Variants in INTS1 observed in about 807,000 individuals in gnomAD.
INTS1 encodes the protein integrator complex subunit 1.
In INTS1, 137 loss-of-function variants were observed where a neutral mutation model predicts 241.6. That is an observed-to-expected ratio of 0.57 (90% CI 0.49 to 0.65). The LOEUF (loss-of-function observed/expected upper bound fraction) is 0.65. Ranked by LOEUF, INTS1 falls within the 30% of genes least tolerant of loss-of-function variation. INTS1 has a pLI of 0.00. For synonymous variants in INTS1, 1,692 were observed against 1,337.8 expected (o/e 1.26, Z -5.78); for missense variants, 3,073 against 3,032.2 (o/e 1.01, Z -0.32).
chr7:1,503,298 G>A (rs745728089), intron 2 of INTS1, 107 bp from the exon 3 acceptor site: 133 of 1,237,704 alleles, frequency 1.1e-4, no homozygotes, highest in Admixed American at 1.8e-4. Flanking sequence ...AAGGGTCAGA[G>A]GAGGCAAGGA....
chr7:1,494,313 G>A (rs1450219912), intron 14 of INTS1: 2 of 264,598 alleles, frequency 7.6e-6, no homozygotes, highest in Non-Finnish European at 1.5e-5. Context: ...AAGGTGAACA[G>A]AGCGCCCAGG....
rs185981905 is a variant in INTS1 at position 1,470,290 on chromosome 7, G to C, written c.*287C>G. On this transcript the variant is annotated 3_prime_UTR_variant, in exon 48 of 48. Transcript: ENST00000404767. ...AGAGAGCACACAGACAGTTCAGGTC[G>C]TTTCATTCAAAACCAGCCCAGGCCA... The C allele has an allele frequency of 5.0e-6, 2 of 402,296 alleles. No homozygotes were observed. The highest frequency in any genetic ancestry group is 8.7e-5 in the East Asian group (2 of 23,046). The allele number at this position is 402,296 out of a possible 1,614,324, so 24.9% of individuals were successfully genotyped here.
chr7:1,474,459 G>C, intron 40 of INTS1, 99 bp from the exon 41 acceptor site: 1 of 1,291,234 alleles, frequency 7.7e-7, no homozygotes, highest in East Asian at 2.7e-5. Flanking sequence ...GCCAGACCCC[G>C]TGCTGCCCCC....
chr7:1,478,273 A>G (rs919343495), intron 33 of INTS1, 93 bp downstream of exon 33: 3 of 1,403,260 alleles, frequency 2.1e-6, no homozygotes, highest in South Asian at 1.3e-5. Context: ...CTGAGCAGAC[A>G]CTGTCCGTCC....
rs1315941515 is a variant in INTS1 at position 1,503,988 on chromosome 7, G to A, written c.-28C>T. 10 of 1,532,316 alleles carry A rather than the reference G, an allele frequency of 6.5e-6. No homozygotes were observed. Among genetic ancestry groups the A allele is most frequent in the Admixed American group, 4.1e-5 (2 of 48,210 alleles). The allele number at this position is 1,532,316 out of a possible 1,614,324, so 94.9% of individuals were successfully genotyped here. A position where few individuals can be genotyped will look rare whatever the true frequency, so the allele number is the denominator to read the frequency against. On this transcript the variant is annotated 5_prime_UTR_variant, in exon 2 of 48. Transcript: ENST00000404767. Reference sequence around the variant, plus strand: ...TGCCCCGTCCCTCGCGGCTCCCGGCGGCTGCGGCGTCACCTGCGGAGGAGC... The same window carrying A: ...TGCCCCGTCCCTCGCGGCTCCCGGCAGCTGCGGCGTCACCTGCGGAGGAGC...
At chr7:1,470,755 A>C in intron 47 of INTS1, 63 bp from the exon 48 acceptor site, 1 of 1,473,346 alleles carries the variant, frequency 6.8e-7, no homozygotes, top group African/African-American at 1.4e-5. Flanking sequence ...CAGTGACCAG[A>C]CCTCGGGACT....
chr7:1,498,549 G>C lies in INTS1; in HGVS notation c.1288C>G (p.Leu430Val). 6 of 1,613,674 alleles carry C rather than the reference G, an allele frequency of 3.7e-6. No homozygotes were observed. Among genetic ancestry groups the C allele is most frequent in the Non-Finnish European group, 5.1e-6 (6 of 1,179,836 alleles). The change falls in exon 10 of 48, where the codon CTG (leucine) becomes GTG (valine). Residue 430 changes from leucine (L) to valine (V), a missense_variant. Transcript: ENST00000404767. ...LNHFMLCIRE[L>V]LSAHKDNLGT... ...AGGTTGTCCTTGTGCGCGCTCAGCA[G>C]CTCCCTGGGTGAGGTGAGGGTACAG... is the stretch of plus-strand genomic sequence containing the variant.
chr7:1,500,109 G>A (rs1043460956), intron 4 of INTS1, 61 bp downstream of exon 4: 10 of 1,584,742 alleles, frequency 6.3e-6, no homozygotes, highest in African/African-American at 4.0e-5. Flanking sequence ...TAAGGGGGAG[G>A]TGAGGAGGGG....
At position 1,487,307 on chromosome 7, in the gene INTS1, C is replaced by G; in HGVS notation, c.2646+13G>C. Reference sequence around the variant, plus strand: ...AGACCACCATCTCTACCTCCTGGAGCCTCGGCACTCACCTGCCGCTGGATG... The same window carrying G: ...AGACCACCATCTCTACCTCCTGGAGGCTCGGCACTCACCTGCCGCTGGATG... On this transcript the variant is annotated intron_variant, in intron 20 of 47. Transcript: ENST00000404767. 1 of 1,579,952 alleles carries G rather than the reference C, an allele frequency of 6.3e-7. No homozygotes were observed. Among genetic ancestry groups the G allele is most frequent in the Non-Finnish European group, 8.6e-7 (1 of 1,163,366 alleles).
intron 44 of INTS1, among the ~76,000 whole-genome samples, chr7:1,471,973 A>G (rs559632917): frequency 1.3e-5 from 2 of 151,728 alleles, no homozygotes; most frequent in East Asian, 3.9e-4. Context: ...GGTACTGCCC[A>G]CCCGCTGGTC....
In INTS1 at chr7:1,493,422, G is replaced by A. The variant is rs564339440; in HGVS notation, c.2069-316C>T. ...CGGGGCAGAGCCACGGACGAGGCGC[G>A]AGCTGGATTTACAATCATTCTACCT... On this transcript the variant is annotated intron_variant, in intron 15 of 47. Coordinates refer to ENST00000404767, the MANE Select transcript of INTS1 (RefSeq NM_001080453.3). The surrounding 1 kb of genome is among the most constrained non-coding windows in gnomAD (Gnocchi z 5.3). 1.6e-3 allele frequency among the ~76,000 whole-genome samples: 247 copies of A among 152,260 alleles called. No homozygotes were observed. Among genetic ancestry groups the A allele is most frequent in the Non-Finnish European group, 3.2e-3 (218 of 68,008 alleles).
Position 1,499,958 on chromosome 7 carries a change from C to T in INTS1, c.610G>A (p.Val204Met). The change falls in exon 5 of 48, where the codon GTG becomes ATG. Residue 204 changes from valine to methionine, a missense_variant. Val to Met is a conservative substitution (Grantham distance 21). Coordinates refer to ENST00000404767, the MANE Select transcript of INTS1 (RefSeq NM_001080453.3). ...AGGAGGTTACAGGCCAGCACAGACA[C>T]CAGGCTGTTCCCCTTGGCCTTGAAG... is the stretch of plus-strand genomic sequence containing the variant. ...INFKAKGNSL[V>M]SVLACNLLMA... 6.2e-7 allele frequency: 1 copy of T among 1,613,704 alleles called. No homozygotes were observed. Among genetic ancestry groups the T allele is most frequent in the East Asian group, 2.2e-5 (1 of 44,878 alleles).
rs145194233 is a variant in INTS1, at chr7:1,471,864, C to T, written c.6185-223G>A. 47 of 594,948 alleles carry T rather than the reference C, an allele frequency of 7.9e-5. 1 individual carries two copies. The highest frequency in any genetic ancestry group is 7.5e-4 in the South Asian group (37 of 49,556). 36.9% of individuals were successfully genotyped at this position (594,948 alleles called of 1,614,324 possible). ...TCCAAGGAGAGGGGTTGACCCCTCA[C>T]GGCAGCCCCATATCCAGGGTGCTCT... is the stretch of plus-strand genomic sequence containing the variant. On this transcript the variant is annotated intron_variant, in intron 44 of 47. Transcript: ENST00000404767.
chr7:1,476,080 G>A lies in INTS1; in HGVS notation c.5379-9C>T, dbSNP rs1223064961. ...AGCGCCTGCCCAGCACGCTGGAAGA[G>A]GTGGAGCAGGGCTCACCAGGCGGAC... On this transcript the variant is annotated splice_polypyrimidine_tract_variant and intron_variant, in intron 38 of 47. Transcript: ENST00000404767. 8 of 1,538,724 alleles carry A rather than the reference G, an allele frequency of 5.2e-6. No homozygotes were observed. Among genetic ancestry groups the A allele is most frequent in the Middle Eastern group, 2.0e-4 (1 of 4,940 alleles).
chr7:1,479,358 C>T, intron 31 of INTS1, 72 bp downstream of exon 31: 1 of 1,494,892 alleles, frequency 6.7e-7, no homozygotes, highest in Non-Finnish European at 9.0e-7. Flanking sequence ...AGTCACAGGA[C>T]ACCCGGGCCG....
In INTS1 at chr7:1,498,717, G is replaced by C. The variant is rs1417760548; in HGVS notation, c.1273C>G (p.Leu425Val). 6.5e-7 allele frequency: 1 copy of C among 1,534,890 alleles called. No homozygotes were observed. The highest frequency in any genetic ancestry group is 1.4e-5 in the African/African-American group (1 of 72,018). ...KPKVLLNHFM[L>V]CIRELLSAHK... ...CGGCTCGCCACGCACCTGATGCACA[G>C]CATGAAGTGGTTGAGGAGGACCTTG... The change falls in exon 9 of 48, where the codon CTG becomes GTG. Residue 425 changes from leucine (L) to valine (V), a missense_variant. Coordinates refer to ENST00000404767, the MANE Select transcript of INTS1 (RefSeq NM_001080453.3).
At chr7:1,487,273 G>T in intron 20 of INTS1, 47 bp downstream of exon 20, 1 of 1,554,284 alleles carries the variant, frequency 6.4e-7, no homozygotes, top group African/African-American at 1.4e-5. Flanking sequence ...GAAGGTTCCG[G>T]GCCTCCCAAG....
intron 3 of INTS1, among the ~76,000 whole-genome samples, chr7:1,501,725 G>A (rs937937739): frequency 6.6e-6 from 1 of 152,144 alleles, no homozygotes; most frequent in African/African-American, 2.4e-5. Context: ...CTCATGGGAG[G>A]TCTGAGGCTC....
Position 1,482,696 on chromosome 7 carries a change from C to G in INTS1, c.3553G>C (p.Glu1185Gln). 6.2e-7 allele frequency: 1 copy of G among 1,612,590 alleles called. No individual in the cohort carries two copies. The highest frequency in any genetic ancestry group is 8.5e-7 in the Non-Finnish European group (1 of 1,179,776). Residue 1185 changes from glutamate (E) to glutamine (Q), a missense_variant, in exon 27 of 48, where the codon GAG (glutamate) becomes CAG (glutamine). Physicochemically the swap from Glu to Gln is conservative, Grantham distance 29. Coordinates refer to ENST00000404767, the MANE Select transcript of INTS1 (RefSeq NM_001080453.3). Reference sequence around the variant, plus strand: ...CAGATGTCCAGCAGCGCCTGGAACTCGCTGTCGTCGGCTTCAGGAAGGACA... The same window carrying G: ...CAGATGTCCAGCAGCGCCTGGAACTGGCTGTCGTCGGCTTCAGGAAGGACA... The part of the protein sequence containing the change: ...TLGPPRADDS[E>Q]FQALLDIWFP...
Sources: allele counts gnomAD v4.1 joint callset (sites outside exome capture counted in the v4.1 genomes callset), GRCh38; gene constraint gnomAD v4.1.1; non-coding constraint Gnocchi (gnomAD v3.1); transcripts MANE v1.5; gene names NCBI Gene and HGNC (gene_info 2026-07-23, HGNC 2026-07-21).